The following OTUD5 variants were observed in gnomAD, a reference collection of about 807,000 sequenced individuals.
OTUD5 encodes OTU domain-containing protein 5.
In OTUD5, 2 loss-of-function variants were observed where a neutral mutation model predicts 36.3. That is an observed-to-expected ratio of 0.06 (90% CI 0.02 to 0.17). The LOEUF is 0.17. Among genes scored for constraint, OTUD5 ranks in the 10% least tolerant of loss-of-function variants. The probability of loss-of-function intolerance (pLI) is 1.00; values close to 1 mark genes in which losing one functional copy is unlikely to be tolerated. For missense variants in OTUD5, 233 were observed against 512.3 expected (o/e 0.45, Z 5.26); for synonymous variants, 234 against 214.9 (o/e 1.09, Z -0.78).
intron 2 of OTUD5, among the ~76,000 whole-genome samples, chrX:48,936,630 G>A (rs782347222): frequency 1.8e-5 from 2 of 111,355 alleles, no homozygotes; most frequent in Admixed American, 9.6e-5. Context: ...ACTTCTGCCC[G>A]ACCACACTGG....
At chrX:48,923,571 C>T in intron 8 of OTUD5, 62 bp downstream of exon 8, 1 of 868,793 alleles carries the variant, frequency 1.2e-6, no homozygotes. Flanking sequence ...CAGGACTTGC[C>T]ACTTCTTCCA....
At chrX:48,924,165 T>C (rs996780774) in intron 6 of OTUD5, 113 bp from the exon 7 acceptor site, 8 of 690,002 alleles carry the variant, frequency 1.2e-5, no homozygotes, top group Non-Finnish European at 1.7e-5. Flanking sequence ...ACAGCTTCTA[T>C]GTAGGTCAAC....
rs901484128 is a variant in OTUD5 at position 48,925,780 on chromosome X, C to T, written c.1263+67G>A. 8.9e-5 allele frequency: 85 copies of T among 949,808 alleles called. No individual in the cohort carries two copies. In the African/African-American group the frequency reaches 1.5e-3, roughly 17 times the overall value. 78.3% of individuals were successfully genotyped at this position (949,808 alleles called of 1,213,427 possible). On this transcript the variant is annotated intron_variant, in intron 6 of 8. Transcript: ENST00000376488. ...CAAAACTGCTTAATTTTTTTCTGCT[C>T]GCTTGAGGGCAAAGCATGAGAAGTA...
At chrX:48,953,596 C>T (rs1358363866) in intron 1 of OTUD5, among the ~76,000 whole-genome samples, 3 of 111,222 alleles carry the variant, frequency 2.7e-5, no homozygotes, top group Admixed American at 9.6e-5. Flanking sequence ...CACCAACTAC[C>T]GTGCCACACC....
In OTUD5 at chrX:48,923,591, A is replaced by G. The variant is rs782733551; in HGVS notation, c.1579+42T>C. On this transcript the variant is annotated intron_variant, in intron 8 of 8. Transcript: ENST00000376488. ...CTTGCCACTTCTTCCAGTCTCTCCC[A>G]GCTCCTAGCAGCCTCCATCCCCCCA... 5 of 984,431 alleles carry G rather than the reference A, an allele frequency of 5.1e-6. No individual in the cohort carries two copies. In the African/African-American group the frequency reaches 9.5e-5, roughly 19 times the overall value. 81.1% of individuals were successfully genotyped at this position (984,431 alleles called of 1,213,427 possible).
intron 1 of OTUD5, among the ~76,000 whole-genome samples, chrX:48,946,846 G>A (rs1406371488): frequency 1.8e-5 from 2 of 112,283 alleles, no homozygotes; most frequent in Middle Eastern, 4.6e-3. Flanking sequence ...GGAGAGAGGG[G>A]AAAAAGAGAG....
At chrX:48,951,749 G>A (rs782098230) in intron 1 of OTUD5, among the ~76,000 whole-genome samples, 1 of 111,949 alleles carries the variant, frequency 8.9e-6, no homozygotes, top group Non-Finnish European at 1.9e-5. Flanking sequence ...CTGAGGGCAG[G>A]GGGATTAAAA....
At chrX:48,954,069 C>T (rs1602436075) in intron 1 of OTUD5, among the ~76,000 whole-genome samples, 2 of 111,009 alleles carry the variant, frequency 1.8e-5, no homozygotes, top group African/African-American at 6.6e-5. Flanking sequence ...GGACAGAAAG[C>T]CTCTCCTGTC....
In OTUD5 at chrX:48,934,832, T is replaced by G; in HGVS notation, c.789A>C (p.Thr263=). 8.3e-7 allele frequency: 1 copy of G among 1,211,174 alleles called. No individual in the cohort carries two copies. The highest frequency in any genetic ancestry group is 1.1e-6 in the Non-Finnish European group (1 of 894,690). Residue 263 remains threonine, a synonymous_variant, in exon 4 of 9, where the codon ACA becomes ACC. Transcript: ENST00000376488. ...TGTTAATGTAGGTGGTAAAGTCCTC[T>G]GTGACATAGTTGGAGAAGTAGTCGG... ...KNADYFSNYV[T]EDFTTYINRK...
chrX:48,931,356 A>G (rs2063748272), intron 5 of OTUD5, among the ~76,000 whole-genome samples: 2 of 112,660 alleles, frequency 1.8e-5, no homozygotes, highest in Admixed American at 1.9e-4. Context: ...ACATGAGAAA[A>G]AGTCCAAAAG....
Position 48,957,115 on chromosome X carries a change from T to G in OTUD5, c.456A>C (p.Arg152=), listed in dbSNP as rs782573162. Residue 152 remains arginine (R), a synonymous_variant, in exon 1 of 9, where the codon CGA becomes CGC. Coordinates refer to ENST00000376488, the MANE Select transcript of OTUD5 (RefSeq NM_001136157.2). Reference sequence around the variant, plus strand: ...CCGCGCCAACCCCGGGAGCTTGACGTCGCCGCTTGCTGTGCCCAGGCCCGG... The same window carrying G: ...CCGCGCCAACCCCGGGAGCTTGACGGCGCCGCTTGCTGTGCCCAGGCCCGG... The part of the protein sequence containing the change: ...CCSGPGHSKR[R]RQAPGVGAVG... The G allele has an allele frequency of 3.6e-5, 42 of 1,170,728 alleles. No homozygotes were observed.
At chrX:48,941,918 G>C (rs1186816572) in intron 2 of OTUD5, among the ~76,000 whole-genome samples, 6 of 111,440 alleles carry the variant, frequency 5.4e-5, no homozygotes, top group Non-Finnish European at 1.1e-4. Context: ...ATGTACTTCG[G>C]GGGAGAGGCC....
upstream of OTUD5, chrX:48,957,984 G>A (rs926280982): frequency 1.7e-4 from 33 of 193,568 alleles, no homozygotes; most frequent in Non-Finnish European, 2.4e-4. Context: ...CGCGCGCCAG[G>A]GCACAGCCCC....
rs1371971677 is a variant in OTUD5 at position 48,944,383 on chromosome X, G to C, written c.595-100C>G. On this transcript the variant is annotated intron_variant, in intron 1 of 8. Transcript: ENST00000376488. ...GAGAGGCCTAGATCATTGACAGAGA[G>C]GACGCTGGCCAAGGTAAAGTTCTCA... 7.6e-6 allele frequency: 4 copies of C among 526,026 alleles called. No individual in the cohort carries two copies. In the African/African-American group the frequency reaches 9.3e-5, roughly 12 times the overall value. The allele number at this position is 526,026 out of a possible 1,213,427, so 43.4% of individuals were successfully genotyped here.
Position 48,932,164 on chromosome X carries a change from A to G in OTUD5, c.1059+2300T>C, listed in dbSNP as rs781844224. ...AACTTCGTCTCAAAAAAAAGATGATAATAATAATAATAATAATAATAATAA... is the reference window on the plus strand; with the variant it reads ...AACTTCGTCTCAAAAAAAAGATGATGATAATAATAATAATAATAATAATAA... On this transcript the variant is annotated intron_variant, in intron 5 of 8. Coordinates refer to ENST00000376488, the MANE Select transcript of OTUD5 (RefSeq NM_001136157.2). 4.0e-3 allele frequency among the ~76,000 whole-genome samples: 94 copies of G among 23,244 alleles called. 1 individual carries two copies. Among genetic ancestry groups the G allele is most frequent in the African/African-American group, 4.3e-3 (60 of 14,028 alleles). 20.2% of individuals were successfully genotyped at this position (23,244 alleles called of 115,157 possible).
At chrX:48,952,197 C>T (rs1272064050) in intron 1 of OTUD5, among the ~76,000 whole-genome samples, 2 of 112,328 alleles carry the variant, frequency 1.8e-5, no homozygotes, top group Non-Finnish European at 3.8e-5. Context: ...TGAAAAAAGC[C>T]AAGTAACAAA....
chrX:48,957,961 G>A (rs1382529536), upstream of OTUD5: 2 of 338,372 alleles, frequency 5.9e-6, no homozygotes, highest in African/African-American at 5.6e-5. Context: ...GTGGGGCCCC[G>A]GGGCGCTGCG....
intron 1 of OTUD5, among the ~76,000 whole-genome samples, chrX:48,947,266 C>A (rs979113951): frequency 9.0e-5 from 10 of 111,100 alleles, no homozygotes; most frequent in African/African-American, 3.3e-4. Context: ...TGCCTGTAAT[C>A]CCAGCTAAAT....
intron 5 of OTUD5, among the ~76,000 whole-genome samples, chrX:48,930,935 C>A (rs782718195): frequency 2.8e-5 from 3 of 107,022 alleles, no homozygotes; most frequent in Non-Finnish European, 3.8e-5. Context: ...ACACTCCAGC[C>A]TGGGCAACAA....
Sources: allele counts gnomAD v4.1 joint callset (sites outside exome capture counted in the v4.1 genomes callset), GRCh38; gene constraint gnomAD v4.1.1; transcripts MANE v1.5; gene names NCBI Gene and HGNC (gene_info 2026-07-23, HGNC 2026-07-21).